KIAA1549: variants seen among roughly 807,000 people sequenced by gnomAD.
The protein encoded by KIAA1549 is UPF0606 protein KIAA1549.
Under a neutral mutation model 156.4 loss-of-function variants are expected in KIAA1549, and 70 were observed. The ratio of observed to expected loss-of-function variants is 0.45; its 90% CI spans 0.37 to 0.55. The LOEUF (loss-of-function observed/expected upper bound fraction) is 0.55. Ranked by LOEUF, KIAA1549 falls within the 20% of genes least tolerant of loss-of-function variation. KIAA1549 has a pLI of 0.00. For missense variants in KIAA1549, 2,428 were observed against 2,540.9 expected, an observed-to-expected ratio of 0.96 and a Z score of 0.96; for synonymous variants, 1,103 against 1,066.4, an observed-to-expected ratio of 1.03 and a Z score of -0.67.
chr7:138,866,270 C>T (rs1388028050), intron 15 of KIAA1549, among the ~76,000 whole-genome samples: 1 of 152,246 alleles, frequency 6.6e-6, no homozygotes, highest in Non-Finnish European at 1.5e-5. Flanking sequence ...GGAAAAGTCT[C>T]ATTCTTTCAG....
intron 1 of KIAA1549, among the ~76,000 whole-genome samples, chr7:138,967,264 A>G (rs1271885948): frequency 1.3e-5 from 2 of 152,202 alleles, no homozygotes; most frequent in Non-Finnish European, 2.9e-5. Flanking sequence ...GTAGAAGACA[A>G]TGATAAGTGT....
chr7:138,858,938 G>A (rs1395460050), intron 16 of KIAA1549, among the ~76,000 whole-genome samples: 1 of 151,796 alleles, frequency 6.6e-6, no homozygotes, highest in Non-Finnish European at 1.5e-5. Flanking sequence ...CCCGGGAGGT[G>A]GAGCTTGCAG....
intron 16 of KIAA1549, among the ~76,000 whole-genome samples, chr7:138,856,180 C>T (rs976941658): frequency 2.6e-5 from 4 of 151,846 alleles, no homozygotes; most frequent in Admixed American, 6.6e-5. Context: ...TACAGGTGCC[C>T]GCCACCACGC....
At chr7:138,848,658 T>C (rs1463537824) in intron 17 of KIAA1549, among the ~76,000 whole-genome samples, 1 of 152,176 alleles carries the variant, frequency 6.6e-6, no homozygotes, top group African/African-American at 2.4e-5. Context: ...TTCTTGCCCT[T>C]GTCCCTCGTA....
intron 1 of KIAA1549, among the ~76,000 whole-genome samples, chr7:138,930,704 A>C (rs1008982401): frequency 2.0e-5 from 3 of 152,246 alleles, no homozygotes; most frequent in Non-Finnish European, 4.4e-5. Flanking sequence ...GCTTATGGGA[A>C]TGTTGCAGCT....
chr7:138,969,807 T>C (rs1289701960), intron 1 of KIAA1549, among the ~76,000 whole-genome samples: 2 of 152,096 alleles, frequency 1.3e-5, no homozygotes, highest in African/African-American at 4.8e-5. Flanking sequence ...TGGCCAGGCT[T>C]GTCTGGAACT....
intron 16 of KIAA1549, among the ~76,000 whole-genome samples, chr7:138,855,145 AG>A (rs763554544): frequency 3.9e-4 from 60 of 152,320 alleles, no homozygotes; most frequent in Non-Finnish European, 7.3e-4. Context: ...GGAAGCAGAG[AG>A]AAGTAACAAT....
At chr7:138,975,177 A>G (rs1814338543) in intron 1 of KIAA1549, among the ~76,000 whole-genome samples, 1 of 152,200 alleles carries the variant, frequency 6.6e-6, no homozygotes, top group Non-Finnish European at 1.5e-5. Flanking sequence ...GGACCACAAG[A>G]TTAGAATTTC....
At chr7:138,880,067 T>C (rs890447675) in intron 11 of KIAA1549, among the ~76,000 whole-genome samples, 6 of 152,212 alleles carry the variant, frequency 3.9e-5, no homozygotes, top group African/African-American at 7.2e-5. Context: ...CTAGAGTAGC[T>C]ATGCAGTCAC....
chr7:138,899,711 C>G (rs190075929), intron 8 of KIAA1549, among the ~76,000 whole-genome samples: 1 of 152,238 alleles, frequency 6.6e-6, no homozygotes, highest in African/African-American at 2.4e-5. Flanking sequence ...CAAGTTACAA[C>G]CAAAAACATC....
In KIAA1549 at chr7:138,869,548, G is replaced by A. The variant is rs1269517090; in HGVS notation, c.4765C>T (p.Pro1589Ser). The change falls in exon 14 of 20, where the codon CCC becomes TCC. Residue 1589 changes from proline (P) to serine (S), a missense_variant. Pro to Ser is a moderately conservative substitution (Grantham distance 74, BLOSUM62 -1). Transcript: ENST00000422774. ...TASVPSVFIEPRKSSRIKRSP... is the reference protein window; with the variant it reads ...TASVPSVFIESRKSSRIKRSP... ...AGAGCCCCAGCCCACCTCTTCCTGG[G>A]CTCTATGAACACGGAGGGCACGCTG... is the stretch of plus-strand genomic sequence containing the variant. 6.4e-7 allele frequency: 1 copy of A among 1,568,134 alleles called. No individual in the cohort carries two copies. The highest frequency in any genetic ancestry group is 8.6e-7 in the Non-Finnish European group (1 of 1,157,646).
At chr7:138,960,249 A>T (rs1443169916) in intron 1 of KIAA1549, among the ~76,000 whole-genome samples, 1 of 151,716 alleles carries the variant, frequency 6.6e-6, no homozygotes, top group Non-Finnish European at 1.5e-5. Flanking sequence ...CAGCCTGGGC[A>T]ACATAGTGAG....
At chr7:138,907,141 C>A in intron 5 of KIAA1549, 39 bp from the exon 6 acceptor site, 1 of 1,420,294 alleles carries the variant, frequency 7.0e-7, no homozygotes, top group South Asian at 1.6e-5. Context: ...TATAATAAAA[C>A]ATTCTGCTGA....
rs533873172 is a variant in KIAA1549, at chr7:138,834,748, G to A, written c.*3158C>T. 51 of 232,752 alleles carry A rather than the reference G, an allele frequency of 2.2e-4. No individual in the cohort carries two copies. The highest frequency in any genetic ancestry group is 2.5e-4 in the Non-Finnish European group (30 of 117,734). 14.4% of individuals were successfully genotyped at this position (232,752 alleles called of 1,614,324 possible). Reference sequence around the variant, plus strand: ...AACCCATTCACCGCAGTAGTGCAGCGTTTCACATCACTCATCCTAGGGCGT... The same window carrying A: ...AACCCATTCACCGCAGTAGTGCAGCATTTCACATCACTCATCCTAGGGCGT... On this transcript the variant is annotated 3_prime_UTR_variant, in exon 20 of 20. Coordinates refer to ENST00000422774, the MANE Select transcript of KIAA1549 (RefSeq NM_001164665.2).
At chr7:138,868,155 C>T (rs148394826) in intron 14 of KIAA1549, 27 bp from the exon 15 acceptor site, 16 of 1,601,538 alleles carry the variant, frequency 1.0e-5, no homozygotes, top group South Asian at 3.4e-5. Context: ...AAATTATCTT[C>T]GTAGGAAATC....
rs1169332653 is a variant in KIAA1549 at position 138,903,852 on chromosome 7, TGCGCGC to T, written c.3521-122_3521-117del. 1.5e-4 allele frequency: 44 copies of T among 287,474 alleles called. 1 individual carries two copies. Among genetic ancestry groups the T allele is most frequent in the East Asian group, 2.2e-4 (2 of 9,252 alleles). 17.8% of individuals were successfully genotyped at this position (287,474 alleles called of 1,614,324 possible). On this transcript the variant is annotated intron_variant, in intron 7 of 19. Transcript: ENST00000422774. ...GTGTGTGTGTGTGTGTGTGTGTGTG[TGCGCGC>T]GCGCGCGCGCGCACATATGTATTTG...
At chr7:138,958,020 C>T (rs1278063751) in intron 1 of KIAA1549, among the ~76,000 whole-genome samples, 1 of 152,226 alleles carries the variant, frequency 6.6e-6, no homozygotes, top group African/African-American at 2.4e-5. Flanking sequence ...TATGCTTGTA[C>T]TCATGCATCT....
At position 138,918,771 on chromosome 7, in the gene KIAA1549, G is replaced by A; in HGVS notation, c.855C>T (p.Ser285=). The change falls in exon 2 of 20, where the codon TCC becomes TCT. Residue 285 remains serine, a synonymous_variant. Transcript: ENST00000422774. This position sits in a 1 kb window ranked among gnomAD's most constrained non-coding sequence, Gnocchi z 4.2. ...CTAACGGCTGTGGCATTAAAGACCGGGAGCTTAAAAAAAGGGTGGTTTCCA... is the reference window on the plus strand; with the variant it reads ...CTAACGGCTGTGGCATTAAAGACCGAGAGCTTAAAAAAAGGGTGGTTTCCA... ...EGVETTLFLS[S]RSLMPQPLGD... is the part of the protein sequence containing the mutation. 2 of 1,613,834 alleles carry A rather than the reference G, an allele frequency of 1.2e-6. No homozygotes were observed. Among genetic ancestry groups the A allele is most frequent in the Middle Eastern group, 1.7e-4 (1 of 6,060 alleles).
intron 1 of KIAA1549, among the ~76,000 whole-genome samples, chr7:138,958,693 T>C (rs1323231898): frequency 1.3e-5 from 2 of 152,096 alleles, no homozygotes; most frequent in Non-Finnish European, 2.9e-5. Flanking sequence ...TCTTCTTCCC[T>C]GGTATAGAGA....
Sources: gnomAD v4.1 joint callset for allele counts (sites outside exome capture counted in the v4.1 genomes callset) on GRCh38, gnomAD v4.1.1 for gene constraint, Gnocchi (gnomAD v3.1) non-coding constraint, MANE v1.5 for transcripts, NCBI Gene and HGNC (gene_info 2026-07-23, HGNC 2026-07-21) for gene names.